Variants in CHPF observed in about 807,000 individuals in gnomAD.
CHPF encodes the protein chondroitin polymerizing factor, non-catalytic subunit.
CHPF carries 34 observed loss-of-function variants against 55.1 expected under a neutral mutation model. That is an observed-to-expected ratio of 0.62 (90% CI 0.47 to 0.82). The LOEUF (loss-of-function observed/expected upper bound fraction) is 0.82. Ranked by LOEUF, CHPF falls within the 40% of genes least tolerant of loss-of-function variation. The pLI is 0.00. For synonymous variants in CHPF, 489 were observed against 496.6 expected (o/e 0.98, Z 0.20); for missense variants, 961 against 1,106.1 (o/e 0.87, Z 1.86).
At position 219,540,254 on chromosome 2, in the gene CHPF, T is replaced by C. The variant is rs1306380972; in HGVS notation, c.1457A>G (p.Gln486Arg). The C allele has an allele frequency of 6.2e-7, 1 of 1,613,762 alleles. No homozygotes were observed. Among genetic ancestry groups the C allele is most frequent in the Non-Finnish European group, 8.5e-7 (1 of 1,179,858 alleles). ...GGRRPLTRRV[Q>R]LLRPLSRVEI... ...CACGCGGCTCAGCGGCCGGAGCAGC[T>C]GCACTCGGCGAGTGAGGGGCCGGCG... is the stretch of plus-strand genomic sequence containing the variant. The change falls in exon 4 of 4, where the codon CAG becomes CGG. Residue 486 changes from glutamine (Q) to arginine (R), a missense_variant. By Grantham distance (43) the Gln-to-Arg change is conservative. Transcript: ENST00000243776.
chr2:219,540,643 C>G lies in CHPF; in HGVS notation c.1069-1G>C. On this transcript the variant is annotated splice_acceptor_variant, in intron 3 of 3. Transcript: ENST00000243776. LOFTEE classifies it high-confidence loss of function. ...GATGGCTGGTATTCTGGATCTCCCA[C>G]TGGATCAGAGAAACAGGCCATCAGC... The G allele has an allele frequency of 6.3e-7, 1 of 1,588,948 alleles. No individual in the cohort carries two copies. Among genetic ancestry groups the G allele is most frequent in the East Asian group, 2.3e-5 (1 of 44,320 alleles).
intron 1 of CHPF, 69 bp downstream of exon 1, chr2:219,543,156 C>A (rs879716685): frequency 5.3e-5 from 73 of 1,372,270 alleles, no homozygotes; most frequent in Non-Finnish European, 6.5e-5. Context: ...CTGACCCGGG[C>A]CCGGGCGACC....
rs758106868 is a variant in CHPF at position 219,539,472 on chromosome 2, G to C, written c.2239C>G (p.Arg747Gly). The change falls in exon 4 of 4, where the codon CGC (arginine) becomes GGC (glycine). Residue 747 changes from arginine to glycine, a missense_variant. This residue lies in a region of CHPF where 936 missense variants were observed against 1,058.4 expected (regional missense o/e 0.88). Coordinates refer to ENST00000243776, the MANE Select transcript of CHPF (RefSeq NM_024536.6). Reference sequence around the variant, plus strand: ...CCCTCAAGCACGCTCTGGAGGCAGCGGTGGTACAGGTCCTCACTGAGCCTC... The same window carrying C: ...CCCTCAAGCACGCTCTGGAGGCAGCCGTGGTACAGGTCCTCACTGAGCCTC... ...SARLSEDLYH[R>G]CLQSVLEGLG... 6.2e-7 allele frequency: 1 copy of C among 1,613,604 alleles called. No homozygotes were observed. Among genetic ancestry groups the C allele is most frequent in the Admixed American group, 1.7e-5 (1 of 60,016 alleles).
chr2:219,542,994 G>T, intron 1 of CHPF: 1 of 1,306,982 alleles, frequency 7.7e-7, no homozygotes, highest in Non-Finnish European at 9.7e-7. Flanking sequence ...GGGTCGAGCC[G>T]GTTTAGGACA....
chr2:219,539,227 G>C lies in CHPF; in HGVS notation c.*156C>G. On this transcript the variant is annotated 3_prime_UTR_variant, in exon 4 of 4. Coordinates refer to ENST00000243776, the MANE Select transcript of CHPF (RefSeq NM_024536.6). ...GCACGTCCCCCAGTGCTTGTCCAGA[G>C]CCCAGGGACCCACAGAGCCAGAGAG... is the stretch of plus-strand genomic sequence containing the variant. 1.4e-6 allele frequency: 1 copy of C among 708,710 alleles called. No individual in the cohort carries two copies. The highest frequency in any genetic ancestry group is 1.9e-5 in the South Asian group (1 of 51,918). 43.9% of individuals were successfully genotyped at this position (708,710 alleles called of 1,614,324 possible).
chr2:219,541,819 G>T lies in CHPF; in HGVS notation c.685C>A (p.Pro229Thr), dbSNP rs921547146. The T allele has an allele frequency of 5.0e-6, 8 of 1,607,596 alleles. No homozygotes were observed. The highest frequency in any genetic ancestry group is 6.8e-6 in the Non-Finnish European group (8 of 1,176,888). The change falls in exon 2 of 4, where the codon CCC (proline) becomes ACC (threonine). Residue 229 changes from proline to threonine, a missense_variant. Around this residue, in one of 3 missense-constraint regions of CHPF, gnomAD observed 936 missense variants for 1,058.4 expected, o/e 0.88. Coordinates refer to ENST00000243776, the MANE Select transcript of CHPF (RefSeq NM_024536.6). Reference protein sequence around the residue: ...ASAAHLYLGRPQDFIGGEPTP... With the variant: ...ASAAHLYLGRTQDFIGGEPTP... The stretch of plus-strand genomic sequence containing the variant: ...GGCTCTCCGCCGATGAAGTCCTGGG[G>T]CCGGCCCAGGTACAGGTGGGCGGCG...
At position 219,540,384 on chromosome 2, in the gene CHPF, G is replaced by A. The variant is rs758638648; in HGVS notation, c.1327C>T (p.Leu443Phe). The change falls in exon 4 of 4, where the codon CTC (leucine) becomes TTC (phenylalanine). Residue 443 changes from leucine to phenylalanine, a missense_variant. Leu to Phe is a conservative substitution (Grantham distance 22). Coordinates refer to ENST00000243776, the MANE Select transcript of CHPF (RefSeq NM_024536.6). ...LNRRYHPALRLQKQQLVNGYR... is the reference protein window; with the variant it reads ...LNRRYHPALRFQKQQLVNGYR... ...CCATTCACCAGCTGCTGCTTCTGGA[G>A]CCGCAAGGCCGGGTGGTAGCGGCGG... 1 of 1,614,056 alleles carries A rather than the reference G, an allele frequency of 6.2e-7. No individual in the cohort carries two copies. Among genetic ancestry groups the A allele is most frequent in the South Asian group, 1.1e-5 (1 of 91,088 alleles).
Position 219,543,232 on chromosome 2 carries a change from C to G in CHPF, c.307G>C (p.Ala103Pro). ...PAQPGQAAKK[A>P]VRTRYISTEL... Reference sequence around the variant, plus strand: ...GGCGCAGCCGATCACTACCTGACGGCCTTTTTGGCGGCCTGGCCGGGCTGT... The same window carrying G: ...GGCGCAGCCGATCACTACCTGACGGGCTTTTTGGCGGCCTGGCCGGGCTGT... The change falls in exon 1 of 4, where the codon GCC becomes CCC. Residue 103 changes from alanine to proline, a missense_variant. Physicochemically the swap from Ala to Pro is conservative, Grantham distance 27. Coordinates refer to ENST00000243776, the MANE Select transcript of CHPF (RefSeq NM_024536.6). 1 of 1,554,778 alleles carries G rather than the reference C, an allele frequency of 6.4e-7. No homozygotes were observed. Among genetic ancestry groups the G allele is most frequent in the Non-Finnish European group, 8.6e-7 (1 of 1,160,930 alleles).
At chr2:219,542,266 C>A (rs1447738753) in intron 1 of CHPF, 77 bp from the exon 2 acceptor site, 4 of 998,128 alleles carry the variant, frequency 4.0e-6, no homozygotes, top group Admixed American at 3.1e-5. Flanking sequence ...AGCACAGACC[C>A]TGGCAGGTCA....
chr2:219,541,580 A>T (rs562101246), intron 2 of CHPF, 36 bp downstream of exon 2: 4 of 1,484,904 alleles, frequency 2.7e-6, no homozygotes, highest in Non-Finnish European at 3.6e-6. Flanking sequence ...TTTGAACATG[A>T]CAAGGAGGTA....
In CHPF at chr2:219,542,203, T is replaced by A. The variant is rs888701327; in HGVS notation, c.315-14A>T. 3.7e-5 allele frequency: 21 copies of A among 563,806 alleles called. No individual in the cohort carries two copies. In the African/African-American group the frequency reaches 4.1e-4, roughly 11 times the overall value. 34.9% of individuals were successfully genotyped at this position (563,806 alleles called of 1,614,324 possible). On this transcript the variant is annotated splice_polypyrimidine_tract_variant and intron_variant, in intron 1 of 3. Coordinates refer to ENST00000243776, the MANE Select transcript of CHPF (RefSeq NM_024536.6). Reference sequence around the variant, plus strand: ...ATGTAGCGGGTCCTAGGGGAGGAGATGGCACAAGCTTATCAAAAGGACAAC... The same window carrying A: ...ATGTAGCGGGTCCTAGGGGAGGAGAAGGCACAAGCTTATCAAAAGGACAAC...
chr2:219,543,384 G>C lies in CHPF; in HGVS notation c.155C>G (p.Pro52Arg). 1.3e-6 allele frequency: 2 copies of C among 1,559,988 alleles called. No homozygotes were observed. Residue 52 changes from proline to arginine, a missense_variant, in exon 1 of 4, where the codon CCG (proline) becomes CGG (arginine). Around this residue, in one of 3 missense-constraint regions of CHPF, gnomAD observed 936 missense variants for 1,058.4 expected, o/e 0.88. Coordinates refer to ENST00000243776, the MANE Select transcript of CHPF (RefSeq NM_024536.6). ...PPQPGDSELP[P>R]RGNTNAARRP... ...GCGCGCCGCGTTGGTGTTGCCGCGC[G>C]GCGGCAGCTCAGAGTCTCCAGGTTG... is the stretch of plus-strand genomic sequence containing the variant.
At position 219,540,127 on chromosome 2, in the gene CHPF, G is replaced by A. The variant is rs1369834734; in HGVS notation, c.1584C>T (p.Ala528=). 6.2e-7 allele frequency: 1 copy of A among 1,601,096 alleles called. No homozygotes were observed. Among genetic ancestry groups the A allele is most frequent in the East Asian group, 2.3e-5 (1 of 43,954 alleles). Residue 528 remains alanine (A), a synonymous_variant, in exon 4 of 4, where the codon GCC becomes GCT. Coordinates refer to ENST00000243776, the MANE Select transcript of CHPF (RefSeq NM_024536.6). ...CAGGCTCCAGTGCTGCAGTGGCAAAGGCCTCCAAGAAGCCAGGGGCCAGGT... is the reference window on the plus strand; with the variant it reads ...CAGGCTCCAGTGCTGCAGTGGCAAAAGCCTCCAAGAAGCCAGGGGCCAGGT... ...ERDLAPGFLE[A]FATAALEPGD...
intron 3 of CHPF, 108 bp from the exon 4 acceptor site, chr2:219,540,750 C>G: frequency 7.9e-7 from 1 of 1,272,592 alleles, no homozygotes; most frequent in Non-Finnish European, 1.1e-6. Flanking sequence ...CCCTCATCCC[C>G]TGCCAACCTC....
intron 1 of CHPF, among the ~76,000 whole-genome samples, chr2:219,542,543 G>T (rs1307647685): frequency 6.6e-6 from 1 of 152,174 alleles, no homozygotes; most frequent in Non-Finnish European, 1.5e-5. Flanking sequence ...CCAGCCAAAC[G>T]CTGGACACAC....
At position 219,540,022 on chromosome 2, in the gene CHPF, G is replaced by A. The variant is rs144237696; in HGVS notation, c.1689C>T (p.Phe563=). 253 of 1,613,414 alleles carry A rather than the reference G, an allele frequency of 1.6e-4. No homozygotes were observed. The highest frequency in any genetic ancestry group is 2.0e-4 in the Non-Finnish European group (234 of 1,179,910). Residue 563 remains phenylalanine, a synonymous_variant, in exon 4 of 4, where the codon TTC becomes TTT. Coordinates refer to ENST00000243776, the MANE Select transcript of CHPF (RefSeq NM_024536.6). ...QAQRVAHADV[F]APVKAHVAEL... Reference sequence around the variant, plus strand: ...CTGCCACGTGGGCCTTGACAGGTGCGAAGACATCTGCATGGGCCACGCGCT... The same window carrying A: ...CTGCCACGTGGGCCTTGACAGGTGCAAAGACATCTGCATGGGCCACGCGCT...
chr2:219,540,441 C>T lies in CHPF; in HGVS notation c.1270G>A (p.Asp424Asn), dbSNP rs766436141. 89 of 1,613,602 alleles carry T rather than the reference C, an allele frequency of 5.5e-5. 1 individual carries two copies. The highest frequency in any genetic ancestry group is 3.3e-5 in the South Asian group (3 of 91,088). ...LRGADRADVA[D>N]VLGTALEELN... is the part of the protein sequence containing the mutation. ...TCCTCTAGAGCTGTCCCCAGAACATCGGCCACATCAGCCCGGTCAGCCCCA... is the reference window on the plus strand; with the variant it reads ...TCCTCTAGAGCTGTCCCCAGAACATTGGCCACATCAGCCCGGTCAGCCCCA... Residue 424 changes from aspartate to asparagine, a missense_variant, in exon 4 of 4, where the codon GAT becomes AAT. By Grantham distance (23) the Asp-to-Asn change is conservative (BLOSUM62 1). Coordinates refer to ENST00000243776, the MANE Select transcript of CHPF (RefSeq NM_024536.6).
Position 219,540,133 on chromosome 2 carries a change from C to T in CHPF, c.1578G>A (p.Leu526=). 1.2e-6 allele frequency: 2 copies of T among 1,600,640 alleles called. No homozygotes were observed. Among genetic ancestry groups the T allele is most frequent in the South Asian group, 2.2e-5 (2 of 89,434 alleles). ...CCAGTGCTGCAGTGGCAAAGGCCTC[C>T]AAGAAGCCAGGGGCCAGGTCACGCT... is the stretch of plus-strand genomic sequence containing the variant. The part of the protein sequence containing the change: ...AAERDLAPGF[L]EAFATAALEP... The change falls in exon 4 of 4, where the codon TTG becomes TTA. Residue 526 remains leucine, a synonymous_variant. Transcript: ENST00000243776.
chr2:219,541,414 C>A (rs1695266522), intron 2 of CHPF: 1 of 564,040 alleles, frequency 1.8e-6, no homozygotes, highest in Non-Finnish European at 3.0e-6. Context: ...CTTGTAACAA[C>A]CCCGAGCAAT....
Sources: allele counts gnomAD v4.1 joint callset (sites outside exome capture counted in the v4.1 genomes callset), GRCh38; gene constraint gnomAD v4.1.1; regional missense constraint gnomAD v4.1.1; transcripts MANE v1.5; gene names NCBI Gene and HGNC (gene_info 2026-07-23, HGNC 2026-07-21).